Variants in PRDM16 observed in about 807,000 individuals in gnomAD.
PRDM16 encodes the protein histone-lysine N-methyltransferase PRDM16.
In PRDM16, 23 loss-of-function variants were observed where a neutral mutation model predicts 110.6. The ratio of observed to expected loss-of-function variants is 0.21; its 90% CI spans 0.15 to 0.29. The LOEUF (loss-of-function observed/expected upper bound fraction) is 0.29, where lower values mean the gene tolerates loss of function less well. Ranked by LOEUF, PRDM16 falls within the 10% of genes least tolerant of loss-of-function variation. PRDM16 has a pLI of 1.00. For missense variants in PRDM16, 1,615 were observed against 1,794.3 expected, an observed-to-expected ratio of 0.90 and a Z score of 1.81; for synonymous variants, 799 against 781.8, an observed-to-expected ratio of 1.02 and a Z score of -0.37.
At chr1:3,249,984 G>A (rs1418303791) in intron 3 of PRDM16, among the ~76,000 whole-genome samples, 3 of 152,202 alleles carry the variant, frequency 2.0e-5, no homozygotes, top group Admixed American at 6.5e-5. Context: ...AGGCGGCCCA[G>A]GCAGCAGAAA....
chr1:3,338,936 T>G (rs1171164795), intron 3 of PRDM16, among the ~76,000 whole-genome samples: 1 of 152,208 alleles, frequency 6.6e-6, no homozygotes, highest in Non-Finnish European at 1.5e-5. Context: ...TGTGCGGCTG[T>G]GCTGAGCTCC....
chr1:3,272,335 T>C (rs1640474645), intron 3 of PRDM16, among the ~76,000 whole-genome samples: 1 of 152,162 alleles, frequency 6.6e-6, no homozygotes, highest in Non-Finnish European at 1.5e-5. Flanking sequence ...GTGGGGGCTC[T>C]TTAGGTTCCC....
In PRDM16 at chr1:3,325,988, C is replaced by T. The variant is rs182514555; in HGVS notation, c.439-59164C>T. On this transcript the variant is annotated intron_variant, in intron 3 of 16. Transcript: ENST00000270722. ...TTGGTCCTCCTTGGCCATCCTCGACCATCCTTGGCCCCCCTTGGCCATCCT... is the reference window on the plus strand; with the variant it reads ...TTGGTCCTCCTTGGCCATCCTCGACTATCCTTGGCCCCCCTTGGCCATCCT... Among the ~76,000 whole-genome samples the T allele has an allele frequency of 9.0e-3, 1,309 of 145,436 alleles. 132 individuals carry two copies. The highest frequency in any genetic ancestry group is 0.069 in the East Asian group (310 of 4,500).
chr1:3,101,006 C>A (rs538476685), intron 1 of PRDM16, among the ~76,000 whole-genome samples: 2 of 151,988 alleles, frequency 1.3e-5, no homozygotes, highest in South Asian at 4.2e-4. Flanking sequence ...GGGTGTCCGG[C>A]TGAGGACAGG....
At chr1:3,218,889 C>T (rs1186802374) in intron 2 of PRDM16, among the ~76,000 whole-genome samples, 1 of 152,226 alleles carries the variant, frequency 6.6e-6, no homozygotes, top group Non-Finnish European at 1.5e-5. Context: ...CGTGTTCTCC[C>T]TCTTCCCTGC....
At chr1:3,332,851 A>G (rs1377684985) in intron 3 of PRDM16, among the ~76,000 whole-genome samples, 1 of 151,548 alleles carries the variant, frequency 6.6e-6, no homozygotes, top group East Asian at 1.9e-4. Flanking sequence ...TGTCCTCTCC[A>G]TGGAATTCTA....
At chr1:3,336,435 T>G (rs1485738591) in intron 3 of PRDM16, among the ~76,000 whole-genome samples, 1 of 151,824 alleles carries the variant, frequency 6.6e-6, no homozygotes, top group South Asian at 2.1e-4. Flanking sequence ...TGTGTTTGCA[T>G]GCACATGTGT....
At chr1:3,164,167 C>A (rs1330035025) in intron 1 of PRDM16, among the ~76,000 whole-genome samples, 1 of 152,260 alleles carries the variant, frequency 6.6e-6, no homozygotes, top group Non-Finnish European at 1.5e-5. Context: ...AACGTCCGGC[C>A]AGCGGCTTAA....
chr1:3,158,562 G>A (rs1569716190), intron 1 of PRDM16, among the ~76,000 whole-genome samples: 3 of 152,068 alleles, frequency 2.0e-5, no homozygotes, highest in Non-Finnish European at 4.4e-5. Context: ...GAGAAGGCAC[G>A]ATGACTTTAC....
chr1:3,377,157 G>T (rs995771190), intron 3 of PRDM16, among the ~76,000 whole-genome samples: 4 of 152,356 alleles, frequency 2.6e-5, no homozygotes, highest in African/African-American at 9.6e-5. Context: ...TAAAGAAGGG[G>T]GTCAGGGTAA....
At position 3,425,593 on chromosome 1, in the gene PRDM16, C is replaced by T. The variant is rs200234106; in HGVS notation, c.2952C>T (p.Cys984=). 456 of 1,613,628 alleles carry T rather than the reference C, an allele frequency of 2.8e-4. 2 individuals carry two copies. In the Middle Eastern group the frequency reaches 3.9e-3, roughly 14 times the overall value. Residue 984 remains cysteine (C), a synonymous_variant, in exon 13 of 17, where the codon TGC becomes TGT. Coordinates refer to ENST00000270722, the MANE Select transcript of PRDM16 (RefSeq NM_022114.4). This position sits in a 1 kb window ranked among gnomAD's most constrained non-coding sequence, Gnocchi z 6.9. ...TGEQPYRCKY[C]DRSFSISSNL... ...GTGCCCCTTCCAGGTGTAAGTACTG[C>T]GACCGCTCCTTCAGCATCTCTTCGA... is the stretch of plus-strand genomic sequence containing the variant.
At chr1:3,433,251 C>T (rs1367168202) in intron 16 of PRDM16, among the ~76,000 whole-genome samples, 1 of 152,264 alleles carries the variant, frequency 6.6e-6, no homozygotes, top group Non-Finnish European at 1.5e-5. Flanking sequence ...GGGGGCGGCC[C>T]TCGTCCCTCC....
In PRDM16 at chr1:3,412,586, T is replaced by G; in HGVS notation, c.2389T>G (p.Ser797Ala). ...GCCCAAGGGCCCCTCGGCCCCCGCA[T>G]CCGGCGAGGAGCAGCCGCTGGACCT... ...PMPKGPSAPA[S>A]GEEQPLDLSI... Residue 797 changes from serine (S) to alanine (A), a missense_variant, in exon 9 of 17, where the codon TCC becomes GCC. By Grantham distance (99) the Ser-to-Ala change is moderately conservative (BLOSUM62 1). Around this residue, in one of 5 missense-constraint regions of PRDM16, gnomAD observed 772 missense variants for 748.3 expected, o/e 1.03. Transcript: ENST00000270722. The G allele has an allele frequency of 6.2e-7, 1 of 1,604,906 alleles. No individual in the cohort carries two copies. The highest frequency in any genetic ancestry group is 1.1e-5 in the South Asian group (1 of 90,808).
At chr1:3,154,964 G>A (rs1448683027) in intron 1 of PRDM16, among the ~76,000 whole-genome samples, 1 of 152,188 alleles carries the variant, frequency 6.6e-6, no homozygotes, top group East Asian at 1.9e-4. Context: ...TGTGTGAACC[G>A]ACCCCGCCAT....
intron 3 of PRDM16, among the ~76,000 whole-genome samples, chr1:3,330,600 T>A (rs1642022100): frequency 6.6e-6 from 1 of 152,078 alleles, no homozygotes. Context: ...AATCCTGGGG[T>A]CTCAGACACA....
chr1:3,086,360 G>A (rs1028670453), intron 1 of PRDM16, among the ~76,000 whole-genome samples: 7 of 152,176 alleles, frequency 4.6e-5, no homozygotes, highest in Non-Finnish European at 7.4e-5. Context: ...CCCTGCCCCC[G>A]TCAAGTGATG....
chr1:3,367,187 T>G (rs1642831103), intron 3 of PRDM16, among the ~76,000 whole-genome samples: 2 of 151,952 alleles, frequency 1.3e-5, no homozygotes, highest in South Asian at 4.2e-4. Flanking sequence ...GAGAATCTCT[T>G]GAACCCGGGA....
At chr1:3,151,457 C>T (rs893835326) in intron 1 of PRDM16, among the ~76,000 whole-genome samples, 1 of 152,250 alleles carries the variant, frequency 6.6e-6, no homozygotes, top group African/African-American at 2.4e-5. Context: ...AACAGGCTCA[C>T]TCTAGGTAGT....
At position 3,390,551 on chromosome 1, in the gene PRDM16, C is replaced by T. The variant is rs1443369309; in HGVS notation, c.573+5265C>T. Among the ~76,000 whole-genome samples, 1 of 152,170 alleles carries T rather than the reference C, an allele frequency of 6.6e-6. No homozygotes were observed. The highest frequency in any genetic ancestry group is 2.4e-5 in the African/African-American group (1 of 41,446). On this transcript the variant is annotated intron_variant, in intron 4 of 16. Coordinates refer to ENST00000270722, the MANE Select transcript of PRDM16 (RefSeq NM_022114.4). This position sits in a 1 kb window ranked among gnomAD's most constrained non-coding sequence, Gnocchi z 5.0. Reference sequence around the variant, plus strand: ...CACAGCCCCTCCACAGAGTGTTCCGCGCAGGCATTGTGTTAGAAGAGTGGC... The same window carrying T: ...CACAGCCCCTCCACAGAGTGTTCCGTGCAGGCATTGTGTTAGAAGAGTGGC...
Sources: gnomAD v4.1 joint callset for allele counts (sites outside exome capture counted in the v4.1 genomes callset) on GRCh38, gnomAD v4.1.1 for gene constraint, gnomAD v4.1.1 regional missense constraint, Gnocchi (gnomAD v3.1) non-coding constraint, MANE v1.5 for transcripts, NCBI Gene and HGNC (gene_info 2026-07-23, HGNC 2026-07-21) for gene names.